The following GPHN variants were observed in gnomAD, a reference collection of about 807,000 sequenced individuals.
GPHN encodes the protein gephyrin.
GPHN carries 17 observed loss-of-function variants against 95.5 expected under a neutral mutation model. The observed-to-expected ratio is 0.18, with a 90% CI of 0.12 to 0.27. The LOEUF (loss-of-function observed/expected upper bound fraction) is 0.27, where lower values mean the gene tolerates loss of function less well. Ranked by LOEUF, GPHN falls within the 10% of genes least tolerant of loss-of-function variation. The pLI, the probability that GPHN is intolerant of heterozygous loss-of-function variation, is 1.00. For missense variants in GPHN, 660 were observed against 978.1 expected, an observed-to-expected ratio of 0.67 and a Z score of 4.34; for synonymous variants, 320 against 322.5, an observed-to-expected ratio of 0.99 and a Z score of 0.08.
the GPHN span, among the ~76,000 whole-genome samples, chr14:67,507,824 G>A: frequency 6.6e-6 from 1 of 152,112 alleles, no homozygotes; most frequent in Non-Finnish European, 1.5e-5. Flanking sequence ...CCTCTCAGCT[G>A]CCCCACTGAA....
chr14:67,592,594 T>G, the GPHN span: 22 of 1,167,544 alleles, frequency 1.9e-5, no homozygotes, highest in South Asian at 2.6e-4. Context: ...ATGAAAAGGT[T>G]GAGGAGTAAT....
chr14:67,137,112 G>A (rs1158514165), intron 17 of GPHN, among the ~76,000 whole-genome samples: 1 of 151,642 alleles, frequency 6.6e-6, no homozygotes, highest in Non-Finnish European at 1.5e-5. Flanking sequence ...AGTAGAGGTA[G>A]CGCCATGCAC....
the GPHN span, among the ~76,000 whole-genome samples, chr14:67,352,496 A>T: frequency 6.6e-6 from 1 of 152,128 alleles, no homozygotes; most frequent in African/African-American, 2.4e-5. Flanking sequence ...GCTACAATAA[A>T]ATTAAAATAA....
At chr14:66,992,212 T>C (rs1338696827) in intron 9 of GPHN, among the ~76,000 whole-genome samples, 1 of 151,416 alleles carries the variant, frequency 6.6e-6, no homozygotes, top group Admixed American at 6.6e-5. Flanking sequence ...AGTGTGATTT[T>C]TTTAAGGGCT....
chr14:67,136,810 C>A (rs1017131729), intron 17 of GPHN, among the ~76,000 whole-genome samples: 2 of 151,986 alleles, frequency 1.3e-5, no homozygotes, highest in African/African-American at 4.8e-5. Flanking sequence ...TATTGGTACT[C>A]TAAGAGAACA....
At chr14:66,628,515 A>G (rs541796603) in intron 1 of GPHN, among the ~76,000 whole-genome samples, 4 of 152,278 alleles carry the variant, frequency 2.6e-5, no homozygotes, top group Admixed American at 2.6e-4. Flanking sequence ...GGCACTTACC[A>G]TGAATGGAGC....
the GPHN span, among the ~76,000 whole-genome samples, chr14:67,584,918 G>T: frequency 9.8e-5 from 15 of 152,312 alleles, no homozygotes; most frequent in East Asian, 2.9e-3. Flanking sequence ...CACTTGGTCT[G>T]GGAGCTTAGG....
rs75441881 is a variant in GPHN, at chr14:66,895,787, A to G, written c.389+15754A>G. Among the ~76,000 whole-genome samples the G allele has an allele frequency of 8.2e-3, 1,251 of 152,282 alleles. 19 individuals carry two copies. Among genetic ancestry groups the G allele is most frequent in the East Asian group, 0.055 (283 of 5,182 alleles). ...AAAGATATACTCTGGCAGAAGAAAA[A>G]TCATCTCAGATGGAGAGTTGAGGAT... On this transcript the variant is annotated intron_variant, in intron 5 of 22. Transcript: ENST00000478722.
the GPHN span, among the ~76,000 whole-genome samples, chr14:67,506,782 G>A: frequency 6.6e-6 from 1 of 152,128 alleles, no homozygotes; most frequent in Non-Finnish European, 1.5e-5. Context: ...TAAAGAGATC[G>A]AGACCATCCT....
At position 67,043,897 on chromosome 14, in the gene GPHN, T is replaced by G. The variant is rs141970459; in HGVS notation, c.1007-14752T>G. Among the ~76,000 whole-genome samples the G allele has an allele frequency of 3.8e-3, 574 of 152,348 alleles. 2 individuals are homozygous for G. The highest frequency in any genetic ancestry group is 0.013 in the African/African-American group (535 of 41,570). On this transcript the variant is annotated intron_variant, in intron 10 of 22. Coordinates refer to ENST00000478722, the MANE Select transcript of GPHN (RefSeq NM_020806.5). The stretch of plus-strand genomic sequence containing the variant: ...TAGGCTATTAATTACTGCCTCAATT[T>G]CAGAACTTGTTAATGGTTTATTCAG...
the GPHN span, chr14:67,578,032 C>G: frequency 6.2e-7 from 1 of 1,613,458 alleles, no homozygotes; most frequent in South Asian, 1.1e-5. The surrounding 1 kb of genome is among the most constrained non-coding windows in gnomAD (Gnocchi z 5.0). Flanking sequence ...GTCCTGCCAG[C>G]TCTTCATCAA....
chr14:67,383,341 G>A, the GPHN span: 1 of 1,613,558 alleles, frequency 6.2e-7, no homozygotes, highest in South Asian at 1.1e-5. Context: ...ATACAGATGA[G>A]ACTGAACTTG....
chr14:66,951,494 A>G (rs913021766), intron 8 of GPHN, among the ~76,000 whole-genome samples: 1 of 151,266 alleles, frequency 6.6e-6, no homozygotes, highest in Middle Eastern at 3.2e-3. Flanking sequence ...CCAGCCTGGC[A>G]ACAGAACAAA....
At chr14:67,724,032 C>G in the GPHN span, among the ~76,000 whole-genome samples, 5 of 152,238 alleles carry the variant, frequency 3.3e-5, no homozygotes, top group African/African-American at 1.2e-4. Flanking sequence ...TGTGCCACCC[C>G]CCACAGAGTG....
At chr14:66,896,609 T>TA (rs1421347001) in intron 5 of GPHN, among the ~76,000 whole-genome samples, 1 of 151,856 alleles carries the variant, frequency 6.6e-6, no homozygotes. Context: ...GACCCTCTCT[T>TA]AAAAAAAATT....
chr14:66,850,431 A>T (rs1567018426), intron 4 of GPHN, among the ~76,000 whole-genome samples: 2 of 151,100 alleles, frequency 1.3e-5, no homozygotes. Context: ...AAGAGAACCT[A>T]TTTTTTTTTA....
At chr14:67,562,015 C>A in the GPHN span, 3 of 1,613,516 alleles carry the variant, frequency 1.9e-6, no homozygotes, top group East Asian at 6.7e-5. Context: ...CAGGTGGGAT[C>A]CCTTCAAGAT....
intron 2 of GPHN, among the ~76,000 whole-genome samples, chr14:66,774,899 A>G (rs1453526861): frequency 2.6e-5 from 4 of 152,152 alleles, no homozygotes; most frequent in South Asian, 2.1e-4. Context: ...AATTTCAAAC[A>G]TTGTTGTCTT....
chr14:67,168,500 C>T (rs2082410781), intron 20 of GPHN, among the ~76,000 whole-genome samples: 2 of 151,692 alleles, frequency 1.3e-5, no homozygotes, highest in African/African-American at 2.4e-5. Flanking sequence ...AATAAGTTTC[C>T]TTATGCTTAT....
Sources: allele counts gnomAD v4.1 joint callset (sites outside exome capture counted in the v4.1 genomes callset), GRCh38; gene constraint gnomAD v4.1.1; non-coding constraint Gnocchi (gnomAD v3.1); transcripts MANE v1.5; gene names NCBI Gene and HGNC (gene_info 2026-07-23, HGNC 2026-07-21).